FGGY: variants seen among roughly 807,000 people sequenced by gnomAD.
FGGY encodes the protein FGGY carbohydrate kinase domain-containing protein.
FGGY carries 72 observed loss-of-function variants against 71.3 expected under a neutral mutation model. The ratio of observed to expected loss-of-function variants is 1.01; its 90% CI spans 0.84 to 1.23. The LOEUF is 1.23. Among genes scored for constraint, FGGY ranks in the 50% most tolerant of loss-of-function variants. The probability of loss-of-function intolerance (pLI) is 0.00; values close to 1 mark genes in which losing one functional copy is unlikely to be tolerated. For missense variants in FGGY, 668 were observed against 682.3 expected (o/e 0.98, Z 0.23); for synonymous variants, 251 against 250.3 (o/e 1.00, Z -0.02).
At chr1:59,406,485 C>A (rs1452899745) in intron 5 of FGGY, among the ~76,000 whole-genome samples, 1 of 152,126 alleles carries the variant, frequency 6.6e-6, no homozygotes, top group South Asian at 2.1e-4. Context: ...CTTACAGAGA[C>A]AATAACGTGT....
chr1:59,362,576 T>A (rs1440086397), intron 4 of FGGY, among the ~76,000 whole-genome samples: 1 of 152,188 alleles, frequency 6.6e-6, no homozygotes, highest in Non-Finnish European at 1.5e-5. Flanking sequence ...CTGCCTGCAC[T>A]TTTACTCAGG....
intron 5 of FGGY, among the ~76,000 whole-genome samples, chr1:59,394,623 A>G (rs1296456761): frequency 6.6e-6 from 1 of 152,202 alleles, no homozygotes; most frequent in Non-Finnish European, 1.5e-5. Context: ...TTGCTGGCGT[A>G]TAAGACCTAG....
chr1:59,372,896 G>C (rs2057945198), intron 4 of FGGY, among the ~76,000 whole-genome samples: 4 of 152,110 alleles, frequency 2.6e-5, no homozygotes, highest in Non-Finnish European at 5.9e-5. Flanking sequence ...ATTAGGTATT[G>C]ATGGGACATA....
intron 3 of FGGY, among the ~76,000 whole-genome samples, chr1:59,341,494 G>A (rs1026940528): frequency 3.3e-5 from 5 of 152,186 alleles, no homozygotes; most frequent in Non-Finnish European, 5.9e-5. Context: ...TGGTAATGAT[G>A]ACCATTTTCT....
Position 59,731,896 on chromosome 1 carries a change from G to C in FGGY, c.1513-26035G>C, listed in dbSNP as rs1296365616. Among the ~76,000 whole-genome samples the C allele has an allele frequency of 2.6e-5, 4 of 152,208 alleles. No individual in the cohort carries two copies. The East Asian group carries it at 5.8e-4, about 22-fold the overall frequency. On this transcript the variant is annotated intron_variant, in intron 14 of 15. Transcript: ENST00000303721. Reference sequence around the variant, plus strand: ...CCAATGCCCTGTTTATCCTAGGTTTGAGGCCCCATCTTCCTCTTGCTAGAT... The same window carrying C: ...CCAATGCCCTGTTTATCCTAGGTTTCAGGCCCCATCTTCCTCTTGCTAGAT...
chr1:59,402,141 G>A (rs2062049428), intron 5 of FGGY, among the ~76,000 whole-genome samples: 1 of 152,252 alleles, frequency 6.6e-6, no homozygotes, highest in Non-Finnish European at 1.5e-5. Flanking sequence ...GTGGACAGGT[G>A]AAGTCAGGAC....
intron 14 of FGGY, among the ~76,000 whole-genome samples, chr1:59,737,150 T>C (rs1053127037): frequency 6.6e-6 from 1 of 152,238 alleles, no homozygotes; most frequent in African/African-American, 2.4e-5. Context: ...TAAGAACCTC[T>C]ACCTAGATTT....
chr1:59,458,317 T>C (rs527364031), intron 6 of FGGY, among the ~76,000 whole-genome samples: 2 of 152,346 alleles, frequency 1.3e-5, no homozygotes, highest in Admixed American at 6.5e-5. Context: ...TTTTCACTTA[T>C]TTACCTTTGT....
At chr1:59,707,516 A>T (rs1346700063) in intron 14 of FGGY, among the ~76,000 whole-genome samples, 1 of 152,172 alleles carries the variant, frequency 6.6e-6, no homozygotes, top group East Asian at 1.9e-4. Flanking sequence ...TGCCTGAAAG[A>T]CAAGAGAGTG....
At chr1:59,382,374 C>A (rs371096524) in intron 5 of FGGY, among the ~76,000 whole-genome samples, 27 of 152,160 alleles carry the variant, frequency 1.8e-4, no homozygotes, top group African/African-American at 6.3e-4. Flanking sequence ...AACCTCCTTG[C>A]GGTGAAACAA....
chr1:59,391,634 C>G (rs761641154), intron 5 of FGGY, among the ~76,000 whole-genome samples: 1 of 152,190 alleles, frequency 6.6e-6, no homozygotes, highest in Admixed American at 6.5e-5. Context: ...GATGTGCACT[C>G]TTCACTGAGA....
chr1:59,413,650 TA>T (rs559313225), intron 5 of FGGY, among the ~76,000 whole-genome samples: 3,379 of 151,526 alleles, frequency 0.022, 55 homozygotes, highest in Middle Eastern at 0.048. Context: ...GTACCAAACA[TA>T]AAAAAAAACC....
intron 5 of FGGY, among the ~76,000 whole-genome samples, chr1:59,415,912 A>C (rs2064329207): frequency 6.6e-6 from 1 of 152,216 alleles, no homozygotes; most frequent in African/African-American, 2.4e-5. Flanking sequence ...AATTCTGATT[A>C]GTTTCATTTG....
At chr1:59,623,869 C>T (rs935692468) in intron 9 of FGGY, among the ~76,000 whole-genome samples, 1 of 152,212 alleles carries the variant, frequency 6.6e-6, no homozygotes, top group African/African-American at 2.4e-5. Context: ...TTCATGCTTA[C>T]ACCACACATG....
At chr1:59,304,297 C>T (rs1005233810) in intron 1 of FGGY, among the ~76,000 whole-genome samples, 1 of 152,084 alleles carries the variant, frequency 6.6e-6, no homozygotes, top group Non-Finnish European at 1.5e-5. Context: ...ATGTGACTAT[C>T]CAGTTTTTCC....
At chr1:59,504,622 A>T (rs924036918) in intron 6 of FGGY, among the ~76,000 whole-genome samples, 6 of 152,332 alleles carry the variant, frequency 3.9e-5, no homozygotes, top group Admixed American at 6.5e-5. Context: ...AGACCAGAGG[A>T]AAAACATGAT....
At chr1:59,312,023 A>G (rs566573901) in intron 1 of FGGY, among the ~76,000 whole-genome samples, 47 of 152,322 alleles carry the variant, frequency 3.1e-4, no homozygotes, top group African/African-American at 1.1e-3. Context: ...TTTTTAAAAT[A>G]TATTTGTTGG....
chr1:59,438,296 C>A (rs890792051), intron 5 of FGGY, among the ~76,000 whole-genome samples: 1 of 152,198 alleles, frequency 6.6e-6, no homozygotes, highest in Non-Finnish European at 1.5e-5. Flanking sequence ...CATTAGACTA[C>A]ATAGCATCTT....
At chr1:59,554,254 G>T (rs1452585798) in intron 8 of FGGY, 27 bp downstream of exon 8, 14 of 1,572,944 alleles carry the variant, frequency 8.9e-6, no homozygotes, top group Non-Finnish European at 1.2e-5. Flanking sequence ...CAAAGGCAAG[G>T]CCACCACACA....
Sources: allele counts gnomAD v4.1 joint callset (sites outside exome capture counted in the v4.1 genomes callset), GRCh38; gene constraint gnomAD v4.1.1; transcripts MANE v1.5; gene names NCBI Gene and HGNC (gene_info 2026-07-23, HGNC 2026-07-21).